LTBP1: variants seen among roughly 807,000 people sequenced by gnomAD.
LTBP1 encodes latent-transforming growth factor beta-binding protein 1.
In LTBP1, 129 loss-of-function variants were observed where a neutral mutation model predicts 207.6. The observed-to-expected ratio is 0.62, with a 90% CI of 0.54 to 0.72. The LOEUF (loss-of-function observed/expected upper bound fraction) is 0.72. Ranked by LOEUF, LTBP1 falls within the 30% of genes least tolerant of loss-of-function variation. The pLI is 0.00. For synonymous variants in LTBP1, 963 were observed against 833.7 expected (o/e 1.16, Z -2.67); for missense variants, 2,281 against 2,217.2 (o/e 1.03, Z -0.58).
At chr2:33,005,010 A>G (rs1408823658) in intron 2 of LTBP1, among the ~76,000 whole-genome samples, 1 of 151,904 alleles carries the variant, frequency 6.6e-6, no homozygotes, top group Non-Finnish European at 1.5e-5. Context: ...GGATTCATGA[A>G]GTTATTAATC....
rs72858024 is a variant in LTBP1 at position 33,217,528 on chromosome 2, A to C, written c.1702-24A>C. 3,559 of 1,571,276 alleles carry C rather than the reference A, an allele frequency of 2.3e-3. 75 individuals carry two copies. The African/African-American group carries it at 0.043, about 19-fold the overall frequency. Reference sequence around the variant, plus strand: ...GGCATCCTGCACTCAATTAACCTTCATATTTCACACCTAATCATTGCAGTG... The same window carrying C: ...GGCATCCTGCACTCAATTAACCTTCCTATTTCACACCTAATCATTGCAGTG... On this transcript the variant is annotated intron_variant, in intron 7 of 33. Coordinates refer to ENST00000404816, the MANE Select transcript of LTBP1 (RefSeq NM_206943.4).
intron 26 of LTBP1, among the ~76,000 whole-genome samples, chr2:33,356,908 A>G (rs184830340): frequency 6.6e-5 from 10 of 152,316 alleles, no homozygotes; most frequent in Admixed American, 5.2e-4. Context: ...TTTCAGGACT[A>G]TAGGCAGCGT....
At chr2:33,342,794 G>A in intron 24 of LTBP1, 44 bp from the exon 25 acceptor site, 1 of 1,601,354 alleles carries the variant, frequency 6.2e-7, no homozygotes, top group Middle Eastern at 1.7e-4. Flanking sequence ...GTGTTTGTCA[G>A]CCTGTGTTTG....
chr2:33,351,277 G>C (rs1267403740), intron 26 of LTBP1, among the ~76,000 whole-genome samples: 1 of 152,124 alleles, frequency 6.6e-6, no homozygotes. Flanking sequence ...GAGGCCCAGA[G>C]AAACATCTGA....
intron 5 of LTBP1, among the ~76,000 whole-genome samples, chr2:33,185,671 A>G (rs2087119423): frequency 6.6e-6 from 1 of 152,218 alleles, no homozygotes; most frequent in Non-Finnish European, 1.5e-5. Flanking sequence ...CATGGAAACC[A>G]AGGGAAGACT....
intron 12 of LTBP1, 27 bp downstream of exon 12, chr2:33,257,538 C>A: frequency 6.4e-7 from 1 of 1,558,998 alleles, no homozygotes; most frequent in Non-Finnish European, 8.8e-7. Context: ...ATCATGGACT[C>A]TAGACATCTA....
intron 26 of LTBP1, among the ~76,000 whole-genome samples, chr2:33,355,975 G>C (rs1248040284): frequency 1.3e-5 from 2 of 151,654 alleles, no homozygotes; most frequent in East Asian, 3.9e-4. Flanking sequence ...GCTTTGGCAT[G>C]TTTTACCATC....
chr2:33,204,229 C>T (rs1407003071), intron 7 of LTBP1, among the ~76,000 whole-genome samples: 1 of 152,080 alleles, frequency 6.6e-6, no homozygotes, highest in African/African-American at 2.4e-5. Context: ...TCTTCTGTCT[C>T]CTTTCTTAAA....
rs112568330 is a variant in LTBP1, at chr2:32,981,424, G to A, written c.565+32479G>A. On this transcript the variant is annotated intron_variant, in intron 2 of 33. Coordinates refer to ENST00000404816, the MANE Select transcript of LTBP1 (RefSeq NM_206943.4). ...GCCTGTCTGTTTGTCCAATTTTGGG[G>A]CAGCTTTGTGATCTCACTTTTGCTT... is the stretch of plus-strand genomic sequence containing the variant. Among the ~76,000 whole-genome samples the A allele has an allele frequency of 3.9e-3, 588 of 152,240 alleles. 4 individuals carry two copies. Among genetic ancestry groups the A allele is most frequent in the African/African-American group, 0.014 (569 of 41,534 alleles).
At chr2:33,264,749 T>C (rs1011873134) in intron 15 of LTBP1, among the ~76,000 whole-genome samples, 2 of 152,300 alleles carry the variant, frequency 1.3e-5, no homozygotes, top group South Asian at 4.2e-4. Flanking sequence ...ATTGAGACTC[T>C]CTCACATTGC....
intron 2 of LTBP1, among the ~76,000 whole-genome samples, chr2:32,961,732 G>A (rs1679147347): frequency 6.6e-6 from 1 of 152,066 alleles, no homozygotes; most frequent in African/African-American, 2.4e-5. Flanking sequence ...GATCACCTGA[G>A]GTCAGGAGTT....
intron 20 of LTBP1, among the ~76,000 whole-genome samples, chr2:33,297,503 C>T (rs142513094): frequency 0.022 from 3,304 of 151,840 alleles, 54 homozygotes; most frequent in Middle Eastern, 0.044. Flanking sequence ...GCGATCTCGG[C>T]GCACTGCAAC....
In LTBP1 at chr2:33,347,587, C is replaced by A. The variant is rs188546085; in HGVS notation, c.4000+77C>A. On this transcript the variant is annotated intron_variant, in intron 26 of 33. Transcript: ENST00000404816. ...TGCACCCACACAGCTTTGGGATAAACGCTGGGAGTGAGATAAGAAGCAGCC... is the reference window on the plus strand; with the variant it reads ...TGCACCCACACAGCTTTGGGATAAAAGCTGGGAGTGAGATAAGAAGCAGCC... 7.1e-6 allele frequency: 11 copies of A among 1,551,978 alleles called. No homozygotes were observed. In the East Asian group the frequency reaches 1.8e-4, roughly 25 times the overall value.
intron 10 of LTBP1, among the ~76,000 whole-genome samples, chr2:33,248,648 G>A (rs1319507183): frequency 6.7e-6 from 1 of 150,176 alleles, no homozygotes; most frequent in Non-Finnish European, 1.5e-5. Context: ...GTGCAGTGGT[G>A]CAATCTCAGC....
chr2:33,364,066 C>T, intron 29 of LTBP1, 150 bp from the exon 30 acceptor site: 2 of 620,664 alleles, frequency 3.2e-6, no homozygotes, highest in East Asian at 2.9e-5. Flanking sequence ...ATAGACAGAG[C>T]CACTCTCTTT....
chr2:33,252,197 G>T (rs1251668811), intron 10 of LTBP1, among the ~76,000 whole-genome samples: 1 of 152,164 alleles, frequency 6.6e-6, no homozygotes, highest in African/African-American at 2.4e-5. Flanking sequence ...GGCCCTGCAA[G>T]CTCTTACTTC....
chr2:33,144,342 A>G, intron 5 of LTBP1, among the ~76,000 whole-genome samples: 1 of 152,140 alleles, frequency 6.6e-6, no homozygotes, highest in East Asian at 1.9e-4. Flanking sequence ...CAAAAATAAT[A>G]TCAGGCTTCA....
chr2:32,959,990 G>A (rs75160013), intron 2 of LTBP1, among the ~76,000 whole-genome samples: 2,080 of 152,086 alleles, frequency 0.014, 46 homozygotes, highest in African/African-American at 0.047. Flanking sequence ...TCACACCATA[G>A]CGAGTAGACA....
In LTBP1 at chr2:33,011,604, A is replaced by T. The variant is rs1209786246; in HGVS notation, c.566-9305A>T. Among the ~76,000 whole-genome samples, 6 of 151,960 alleles carry T rather than the reference A, an allele frequency of 3.9e-5. No homozygotes were observed. The East Asian group carries it at 1.2e-3, about 29-fold the overall frequency. ...AACTCTGCTGATGCATTGACCTTGGACTTTTAGCTCCCAGAATTGTGAAAG... is the reference window on the plus strand; with the variant it reads ...AACTCTGCTGATGCATTGACCTTGGTCTTTTAGCTCCCAGAATTGTGAAAG... On this transcript the variant is annotated intron_variant, in intron 2 of 33. Transcript: ENST00000404816.
Sources: allele counts gnomAD v4.1 joint callset (sites outside exome capture counted in the v4.1 genomes callset), GRCh38; gene constraint gnomAD v4.1.1; transcripts MANE v1.5; gene names NCBI Gene and HGNC (gene_info 2026-07-23, HGNC 2026-07-21).